The following PLIN4 variants were observed in gnomAD, a reference collection of about 807,000 sequenced individuals.
PLIN4 encodes the protein perilipin 4.
A neutral mutation model predicts 52.4 loss-of-function variants in PLIN4; 57 were observed. The observed-to-expected ratio is 1.09, with a 90% CI of 0.88 to 1.36. The LOEUF is 1.36. PLIN4 is among the 40% of genes most tolerant of loss of function. PLIN4 has a pLI of 0.00. For missense variants in PLIN4, 1,757 were observed against 1,770.3 expected (o/e 0.99, Z 0.13); for synonymous variants, 826 against 785.4 (o/e 1.05, Z -0.86).
rs752789036 is a variant in PLIN4 at position 4,508,514 on chromosome 19, G to A, written c.3702+254C>T. ...ACTCCTGACCTCAAGTGACCCACCC[G>A]CCTCGGCCTCCCAAATTGCTGGGGT... On this transcript the variant is annotated intron_variant, in intron 6 of 7. Transcript: ENST00000301286. 3.3e-5 allele frequency among the ~76,000 whole-genome samples: 5 copies of A among 152,176 alleles called. No homozygotes were observed. The South Asian group carries it at 1.0e-3, about 31-fold the overall frequency.
intron 4 of PLIN4, among the ~76,000 whole-genome samples, chr19:4,514,118 C>T (rs1033060165): frequency 7.2e-5 from 11 of 152,182 alleles, no homozygotes; most frequent in African/African-American, 2.4e-4. Flanking sequence ...TTGAGCCTGG[C>T]GTCCCAGGGA....
chr19:4,513,304 G>A lies in PLIN4; in HGVS notation c.656C>T (p.Thr219Ile). 1 of 1,613,606 alleles carries A rather than the reference G, an allele frequency of 6.2e-7. No individual in the cohort carries two copies. Among genetic ancestry groups the A allele is most frequent in the Non-Finnish European group, 8.5e-7 (1 of 1,179,840 alleles). Reference sequence around the variant, plus strand: ...GGAGGTTTCCACGCCAGTCTGGACAGTCCCTTTGGCCAAGTTCACTGCCCC... The same window carrying A: ...GGAGGTTTCCACGCCAGTCTGGACAATCCCTTTGGCCAAGTTCACTGCCCC... Reference protein sequence around the residue: ...VMGAVNLAKGTVQTGVETSKA... With the variant: ...VMGAVNLAKGIVQTGVETSKA... Residue 219 changes from threonine to isoleucine, a missense_variant, in exon 5 of 8, where the codon ACT (threonine) becomes ATT (isoleucine). Around this residue, in one of 7 missense-constraint regions of PLIN4, gnomAD observed 332 missense variants for 310.8 expected, o/e 1.07. Coordinates refer to ENST00000301286, the MANE Select transcript of PLIN4 (RefSeq NM_001367868.2).
intron 4 of PLIN4, among the ~76,000 whole-genome samples, chr19:4,514,414 C>A (rs1435798058): frequency 6.6e-6 from 1 of 152,020 alleles, no homozygotes; most frequent in African/African-American, 2.4e-5. Context: ...TACCACTGTA[C>A]TCCAGCCTGG....
At chr19:4,516,724 A>G in intron 3 of PLIN4, 46 bp from the exon 4 acceptor site, 2 of 1,515,802 alleles carry the variant, frequency 1.3e-6, no homozygotes, top group Non-Finnish European at 1.8e-6. Context: ...ATGCAGTTAG[A>G]ACCATCTACC....
chr19:4,514,483 T>C (rs1325176291), intron 4 of PLIN4, among the ~76,000 whole-genome samples: 2 of 151,796 alleles, frequency 1.3e-5, no homozygotes, highest in Non-Finnish European at 2.9e-5. Context: ...CCCAGCACTT[T>C]GGGAGGCCGA....
At position 4,513,326 on chromosome 19, in the gene PLIN4, C is replaced by T. The variant is rs765731594; in HGVS notation, c.634G>A (p.Ala212Thr). The change falls in exon 5 of 8, where the codon GCA becomes ACA. Residue 212 changes from alanine (A) to threonine (T), a missense_variant. Physicochemically the swap from Ala to Thr is moderately conservative, Grantham distance 58. Coordinates refer to ENST00000301286, the MANE Select transcript of PLIN4 (RefSeq NM_001367868.2). ...ACAGTCCCTTTGGCCAAGTTCACTGCCCCCATGACCCCAGTAGTCACTGTG... is the reference window on the plus strand; with the variant it reads ...ACAGTCCCTTTGGCCAAGTTCACTGTCCCCATGACCCCAGTAGTCACTGTG... Reference protein sequence around the residue: ...KDTVTTGVMGAVNLAKGTVQT... With the variant: ...KDTVTTGVMGTVNLAKGTVQT... The T allele has an allele frequency of 1.9e-6, 3 of 1,613,636 alleles. No homozygotes were observed. In the South Asian group the frequency reaches 3.3e-5, roughly 18 times the overall value.
At chr19:4,508,629 A>G in intron 6 of PLIN4, 139 bp downstream of exon 6, 1 of 977,406 alleles carries the variant, frequency 1.0e-6, no homozygotes, top group Non-Finnish European at 1.5e-6. Context: ...AAGCCCCATG[A>G]GTACAGAGCC....
chr19:4,504,945 A>G lies in PLIN4; in HGVS notation c.3705T>C (p.Ile1235=), dbSNP rs1976047614. Residue 1235 remains isoleucine, a splice_region_variant and synonymous_variant, in exon 7 of 8, where the codon ATT becomes ATC. Coordinates refer to ENST00000301286, the MANE Select transcript of PLIN4 (RefSeq NM_001367868.2). The part of the protein sequence containing the change: ...LAQLQDCFRL[I]EKAQQAPEGQ... ...CTTCTGGAGCCTGCTGGGCCTTTTC[A>G]ATCTGGAGAGAGAGTACAGTGGGGA... 1.2e-6 allele frequency: 2 copies of G among 1,601,792 alleles called. No homozygotes were observed. Among genetic ancestry groups the G allele is most frequent in the South Asian group, 2.3e-5 (2 of 88,872 alleles).
rs202182465 is a variant in PLIN4 at position 4,513,615 on chromosome 19, G to A, written c.345C>T (p.Asp115=). The change falls in exon 5 of 8, where the codon GAC becomes GAT. Residue 115 remains aspartate, a synonymous_variant. Coordinates refer to ENST00000301286, the MANE Select transcript of PLIN4 (RefSeq NM_001367868.2). ...CTCCCTGGACCACTCCCTTAGCCAC[G>A]TCCACCACGCTGGCCACCCCGGAGG... ...AVSSGVASVV[D]VAKGVVQGGL... 61 of 1,608,280 alleles carry A rather than the reference G, an allele frequency of 3.8e-5. No homozygotes were observed. The highest frequency in any genetic ancestry group is 3.6e-4 in the African/African-American group (27 of 74,882).
rs754104234 is a variant in PLIN4 at position 4,513,536 on chromosome 19, C to T, written c.424G>A (p.Gly142Arg). The change falls in exon 5 of 8, where the codon GGG becomes AGG. Residue 142 changes from glycine (G) to arginine (R), a missense_variant. Around this residue, in one of 7 missense-constraint regions of PLIN4, gnomAD observed 332 missense variants for 310.8 expected, o/e 1.07. Coordinates refer to ENST00000301286, the MANE Select transcript of PLIN4 (RefSeq NM_001367868.2). ...GCCATGTCCATGGCCCCTGTGACCC[C>T]GCTGGACACCACCTCCTTGGTGCCC... ...LTGTKEVVSSGVTGAMDMAKG... is the reference protein window; with the variant it reads ...LTGTKEVVSSRVTGAMDMAKG... 60 of 1,609,516 alleles carry T rather than the reference C, an allele frequency of 3.7e-5. No homozygotes were observed. In the South Asian group the frequency reaches 5.2e-4, roughly 14 times the overall value.
In PLIN4 at chr19:4,511,475, T is replaced by C. The variant is rs373577052; in HGVS notation, c.2485A>G (p.Lys829Glu). 12 of 1,543,542 alleles carry C rather than the reference T, an allele frequency of 7.8e-6. No homozygotes were observed. The highest frequency in any genetic ancestry group is 1.1e-5 in the South Asian group (1 of 88,538). ...GTGACCCCACTGCAGACAGTGTCCT[T>C]GGTACCGGTCAGCACGGTCTTGGCC... ...DTAKTVLTGTKDTVCSGVTGA... is the reference protein window; with the variant it reads ...DTAKTVLTGTEDTVCSGVTGA... The change falls in exon 5 of 8, where the codon AAG becomes GAG. Residue 829 changes from lysine (K) to glutamate (E), a missense_variant. Coordinates refer to ENST00000301286, the MANE Select transcript of PLIN4 (RefSeq NM_001367868.2).
chr19:4,517,655 G>T lies in PLIN4; in HGVS notation c.95C>A (p.Ala32Asp). Residue 32 changes from alanine (A) to aspartate (D), a missense_variant, in exon 3 of 8, where the codon GCC (alanine) becomes GAC (aspartate). Coordinates refer to ENST00000301286, the MANE Select transcript of PLIN4 (RefSeq NM_001367868.2). ...FFGSLPGFSS[A>D]RNLVANAHSS... ...ATGTGCGTTGGCCACCAGGTTCCGGGCAGAGCTGAAGCCAGGCAGGGACCC... is the reference window on the plus strand; with the variant it reads ...ATGTGCGTTGGCCACCAGGTTCCGGTCAGAGCTGAAGCCAGGCAGGGACCC... 1.2e-6 allele frequency: 2 copies of T among 1,605,582 alleles called. No homozygotes were observed. The highest frequency in any genetic ancestry group is 8.5e-7 in the Non-Finnish European group (1 of 1,176,742).
intron 6 of PLIN4, among the ~76,000 whole-genome samples, chr19:4,507,394 A>G (rs1477530290): frequency 6.6e-6 from 1 of 152,236 alleles, no homozygotes; most frequent in African/African-American, 2.4e-5. Context: ...CTACATAGGG[A>G]GGCCCCATCT....
chr19:4,505,821 A>G (rs958800716), intron 6 of PLIN4, among the ~76,000 whole-genome samples: 1 of 151,854 alleles, frequency 6.6e-6, no homozygotes, highest in Non-Finnish European at 1.5e-5. Context: ...CCCACCAGGC[A>G]TCTCCCCTCA....
In PLIN4 at chr19:4,511,153, G is replaced by T; in HGVS notation, c.2807C>A (p.Thr936Asn). 1 of 1,610,426 alleles carries T rather than the reference G, an allele frequency of 6.2e-7. No homozygotes were observed. Among genetic ancestry groups the T allele is most frequent in the South Asian group, 1.1e-5 (1 of 90,904 alleles). Residue 936 changes from threonine (T) to asparagine (N), a missense_variant, in exon 5 of 8, where the codon ACT becomes AAT. This residue lies in a region of PLIN4 where 712 missense variants were observed against 637.1 expected (regional missense o/e 1.12). Coordinates refer to ENST00000301286, the MANE Select transcript of PLIN4 (RefSeq NM_001367868.2). ...GTKDTVCSGV[T>N]GAVNVAKGTV... ...CCCTTTGGCCACATTTACGGCACCA[G>T]TGACTCCACTGCAGACGGTGTCCTT...
intron 4 of PLIN4, among the ~76,000 whole-genome samples, chr19:4,516,082 CTGGTGAAACCAACA>C (rs1199308366): frequency 6.7e-6 from 1 of 149,422 alleles, no homozygotes; most frequent in Non-Finnish European, 1.5e-5. Context: ...GGAGACCAGC[CTGGTGAAACCAACA>C]TGGTGAAACC....
At chr19:4,517,081 C>CA (rs892896047) in intron 3 of PLIN4, among the ~76,000 whole-genome samples, 11 of 152,188 alleles carry the variant, frequency 7.2e-5, no homozygotes, top group African/African-American at 2.7e-4. Context: ...GCTCTGGGCC[C>CA]AGAGGGAGGC....
intron 4 of PLIN4, 68 bp from the exon 5 acceptor site, chr19:4,513,769 A>G: frequency 1.3e-6 from 2 of 1,491,558 alleles, no homozygotes; most frequent in Non-Finnish European, 1.8e-6. Flanking sequence ...GATGTCTGCC[A>G]GCCCAGCCCC....
In PLIN4 at chr19:4,513,264, G is replaced by A. The variant is rs28525556; in HGVS notation, c.696C>T (p.Thr232=). ...CAGTGGACACAGCATCTTTGGTGCCGGTCAGCACAGCCTTGGAGGTTTCCA... is the reference window on the plus strand; with the variant it reads ...CAGTGGACACAGCATCTTTGGTGCCAGTCAGCACAGCCTTGGAGGTTTCCA... ...TGVETSKAVL[T]GTKDAVSTGL... is the part of the protein sequence containing the mutation. The change falls in exon 5 of 8, where the codon ACC becomes ACT. Residue 232 remains threonine, a synonymous_variant. Coordinates refer to ENST00000301286, the MANE Select transcript of PLIN4 (RefSeq NM_001367868.2). 11,085 of 1,613,506 alleles carry A rather than the reference G, an allele frequency of 6.9e-3. 642 individuals are homozygous for A. The African/African-American group carries it at 0.13, about 19-fold the overall frequency.
Sources: gnomAD v4.1 joint callset for allele counts (sites outside exome capture counted in the v4.1 genomes callset) on GRCh38, gnomAD v4.1.1 for gene constraint, gnomAD v4.1.1 regional missense constraint, MANE v1.5 for transcripts, NCBI Gene and HGNC (gene_info 2026-07-23, HGNC 2026-07-21) for gene names.